The following PMM2 variants were observed in gnomAD, a reference collection of about 807,000 sequenced individuals.
The protein encoded by PMM2 is mannose-6-phosphate isomerase.
Under a neutral mutation model 33.2 loss-of-function variants are expected in PMM2, and 35 were observed. That is an observed-to-expected ratio of 1.06 (90% CI 0.81 to 1.40). The LOEUF (loss-of-function observed/expected upper bound fraction) is 1.40. Among genes scored for constraint, PMM2 ranks in the 40% most tolerant of loss-of-function variants. The probability of loss-of-function intolerance (pLI) is 0.00; values close to 1 mark genes in which losing one functional copy is unlikely to be tolerated. For missense variants in PMM2, 386 were observed against 306.0 expected (o/e 1.26, Z -1.95); for synonymous variants, 153 against 114.7 (o/e 1.33, Z -2.13).
At chr16:8,820,633 C>T (rs866712571) in intron 7 of PMM2, among the ~76,000 whole-genome samples, 9 of 152,114 alleles carry the variant, frequency 5.9e-5, no homozygotes, top group Admixed American at 2.6e-4. Context: ...GAATTACAGG[C>T]GTGAGCCACC....
chr16:8,820,408 C>T (rs1043248926), intron 7 of PMM2, among the ~76,000 whole-genome samples: 3 of 148,644 alleles, frequency 2.0e-5, no homozygotes, highest in African/African-American at 7.6e-5. Context: ...GACTGGAGTG[C>T]AGTGGCGCAA....
intron 7 of PMM2, among the ~76,000 whole-genome samples, chr16:8,827,770 TTATATATATA>T (rs59491446): frequency 2.6e-5 from 2 of 77,212 alleles, no homozygotes; most frequent in African/African-American, 1.0e-4. Flanking sequence ...ATGCACACAT[TTATATATATA>T]TATTTATATA....
chr16:8,804,168 A>G (rs753171442), intron 2 of PMM2, among the ~76,000 whole-genome samples: 3 of 150,160 alleles, frequency 2.0e-5, no homozygotes, highest in Non-Finnish European at 3.0e-5. Context: ...CCTCCGGAGT[A>G]GCTGGGGTTA....
At chr16:8,841,722 A>G (rs4985003) in intron 7 of PMM2, among the ~76,000 whole-genome samples, 1 of 99,804 alleles carries the variant, frequency 1.0e-5, no homozygotes, top group Non-Finnish European at 2.2e-5. Flanking sequence ...AGAAGGAAAT[A>G]TGGGGAAATG....
At chr16:8,806,481 C>A in intron 4 of PMM2, 74 bp downstream of exon 4, 1 of 899,590 alleles carries the variant, frequency 1.1e-6, no homozygotes, top group Non-Finnish European at 1.9e-6. Context: ...TGTGGGCATT[C>A]TCCAAATAGG....
intron 7 of PMM2, among the ~76,000 whole-genome samples, chr16:8,840,795 T>G (rs1242458332): frequency 6.6e-6 from 1 of 151,842 alleles, no homozygotes; most frequent in African/African-American, 2.4e-5. Context: ...GTCCGGTCCA[T>G]CGAGGTTGTA....
At chr16:8,810,395 T>C (rs1331253170) in intron 4 of PMM2, 1 of 152,368 alleles carries the variant, frequency 6.6e-6, no homozygotes, top group Non-Finnish European at 1.5e-5. Context: ...GAAATCATTT[T>C]CATAGCTCTT....
chr16:8,801,316 G>GC (rs753604461), intron 1 of PMM2, among the ~76,000 whole-genome samples: 6 of 152,208 alleles, frequency 3.9e-5, no homozygotes, highest in South Asian at 4.2e-4. Flanking sequence ...TGGTAAAGAT[G>GC]CCCCCCCAGT....
At chr16:8,812,020 ACTT>A (rs2060680571) in intron 6 of PMM2, among the ~76,000 whole-genome samples, 1 of 152,174 alleles carries the variant, frequency 6.6e-6, no homozygotes, top group African/African-American at 2.4e-5. Context: ...AAGAGTAGGA[ACTT>A]CTCACACCTT....
At chr16:8,805,094 C>A (rs977479114) in intron 3 of PMM2, among the ~76,000 whole-genome samples, 1 of 152,190 alleles carries the variant, frequency 6.6e-6, no homozygotes, top group African/African-American at 2.4e-5. Context: ...CTCTGTCACC[C>A]AGGCTGGAGC....
At chr16:8,838,205 C>T (rs2060864363) in intron 7 of PMM2, among the ~76,000 whole-genome samples, 1 of 151,998 alleles carries the variant, frequency 6.6e-6, no homozygotes, top group Admixed American at 6.6e-5. Flanking sequence ...TACAAAGAAC[C>T]TTCTTAAGGG....
chr16:8,842,855 G>C lies in PMM2; in HGVS notation c.640-4869G>C, dbSNP rs149906358. ...GGGATATTGGCGTTGAGCGGGGTAA[G>C]GGTGATTAGGTTTTAATGGGATGGT... On this transcript the variant is annotated intron_variant, in intron 7 of 7. Coordinates refer to ENST00000268261, the MANE Select transcript of PMM2 (RefSeq NM_000303.3). Among the ~76,000 whole-genome samples the C allele has an allele frequency of 9.2e-3, 1,403 of 152,170 alleles. 35 individuals carry two copies. The highest frequency in any genetic ancestry group is 0.032 in the African/African-American group (1,330 of 41,474).
At chr16:8,833,559 G>A (rs1356808026) in intron 7 of PMM2, among the ~76,000 whole-genome samples, 1 of 151,664 alleles carries the variant, frequency 6.6e-6, no homozygotes, top group Non-Finnish European at 1.5e-5. Context: ...GAGAGAGAAT[G>A]GACGATGTTT....
At chr16:8,820,319 G>A (rs1201263615) in intron 7 of PMM2, among the ~76,000 whole-genome samples, 1 of 150,708 alleles carries the variant, frequency 6.6e-6, no homozygotes, top group Non-Finnish European at 1.5e-5. Flanking sequence ...CAGTGACAGT[G>A]ACCTCGTCAG....
intron 2 of PMM2, chr16:8,802,308 C>T: frequency 2.2e-6 from 1 of 455,898 alleles, no homozygotes; most frequent in Admixed American, 2.4e-5. Context: ...GCACAGGACC[C>T]CGAAAAACCA....
intron 7 of PMM2, among the ~76,000 whole-genome samples, chr16:8,813,433 G>A (rs1230235903): frequency 6.6e-6 from 1 of 152,190 alleles, no homozygotes; most frequent in Non-Finnish European, 1.5e-5. Context: ...TCAAAGCTCT[G>A]GCTGTTTCAA....
chr16:8,804,031 GTTTT>G (rs752484926), intron 2 of PMM2, among the ~76,000 whole-genome samples: 3 of 87,492 alleles, frequency 3.4e-5, no homozygotes, highest in African/African-American at 1.4e-4. Flanking sequence ...GGTTTTTTTT[GTTTT>G]TTTTTTTTTT....
chr16:8,818,251 TACTC>T (rs2060718930), intron 7 of PMM2, among the ~76,000 whole-genome samples: 1 of 152,254 alleles, frequency 6.6e-6, no homozygotes, highest in African/African-American at 2.4e-5. Context: ...AGGCATCAGT[TACTC>T]ACCTCCCTTG....
At position 8,799,415 on chromosome 16, in the gene PMM2, A is replaced by G. The variant is rs1342858971; in HGVS notation, c.66+1467A>G. 6.6e-5 allele frequency among the ~76,000 whole-genome samples: 10 copies of G among 152,222 alleles called. No individual in the cohort carries two copies. The East Asian group carries it at 1.3e-3, about 20-fold the overall frequency. On this transcript the variant is annotated intron_variant, in intron 1 of 7. Coordinates refer to ENST00000268261, the MANE Select transcript of PMM2 (RefSeq NM_000303.3). Reference sequence around the variant, plus strand: ...CTCAGTTTCACACAGCCAACCTGGTACAAGTCTCTGGGCCTCAGGATATTG... The same window carrying G: ...CTCAGTTTCACACAGCCAACCTGGTGCAAGTCTCTGGGCCTCAGGATATTG...
Sources: allele counts gnomAD v4.1 joint callset (sites outside exome capture counted in the v4.1 genomes callset), GRCh38; gene constraint gnomAD v4.1.1; transcripts MANE v1.5; gene names NCBI Gene and HGNC (gene_info 2026-07-23, HGNC 2026-07-21).